Variants in POU2F1 observed in about 807,000 individuals in gnomAD.
POU2F1 encodes the protein POU class 2 homeobox 1.
Under a neutral mutation model 84.9 loss-of-function variants are expected in POU2F1, and 16 were observed. The observed-to-expected ratio is 0.19, with a 90% confidence interval of 0.13 to 0.29. The LOEUF (loss-of-function observed/expected upper bound fraction) is 0.29. Among genes scored for constraint, POU2F1 ranks in the 10% least tolerant of loss-of-function variants. The pLI is 1.00. For missense variants in POU2F1, 738 were observed against 942.6 expected, an observed-to-expected ratio of 0.78 and a Z score of 2.84; for synonymous variants, 368 against 368.3, an observed-to-expected ratio of 1.00 and a Z score of 0.01.
At chr1:167,347,304 G>A (rs953779548) in intron 2 of POU2F1, among the ~76,000 whole-genome samples, 21 of 152,176 alleles carry the variant, frequency 1.4e-4, no homozygotes, top group African/African-American at 4.6e-4. Context: ...ACTGCTGGGT[G>A]ATGAAAAATA....
chr1:167,265,223 AG>A (rs1165479833), intron 1 of POU2F1, among the ~76,000 whole-genome samples: 1 of 152,218 alleles, frequency 6.6e-6, no homozygotes, highest in Admixed American at 6.5e-5. Context: ...AACAGTTTAA[AG>A]GGTCTGAGTC....
chr1:167,252,661 T>C (rs565501622), intron 1 of POU2F1, among the ~76,000 whole-genome samples: 2 of 152,346 alleles, frequency 1.3e-5, no homozygotes, highest in South Asian at 2.1e-4. Flanking sequence ...TATCTGGCTT[T>C]TTACTTTGTT....
chr1:167,291,050 A>AG (rs1362049287), intron 1 of POU2F1, among the ~76,000 whole-genome samples: 1 of 134,014 alleles, frequency 7.5e-6, no homozygotes, highest in African/African-American at 4.0e-5. Context: ...GTCAGAAAAA[A>AG]AAAAAAAAAA....
At position 167,418,347 on chromosome 1, in the gene POU2F1, C is replaced by T. The variant is rs1650437964; in HGVS notation, c.*2537C>T. ...ACAATGTCAATTACTAATTTCTCTC[C>T]TCTCCATTCACTTTTTCTCTGTTGT... On this transcript the variant is annotated 3_prime_UTR_variant, in exon 16 of 16. Transcript: ENST00000367866. The T allele has an allele frequency of 6.6e-6, 1 of 152,110 alleles. No homozygotes were observed. The highest frequency in any genetic ancestry group is 1.5e-5 in the Non-Finnish European group (1 of 68,032). The allele number at this position is 152,110 out of a possible 1,614,324, so 9.4% of individuals were successfully genotyped here.
chr1:167,288,424 T>C (rs1202037436), intron 1 of POU2F1, among the ~76,000 whole-genome samples: 2 of 152,208 alleles, frequency 1.3e-5, no homozygotes, highest in African/African-American at 4.8e-5. Flanking sequence ...CTTTAGGAGC[T>C]GACTTGGAGT....
intron 1 of POU2F1, among the ~76,000 whole-genome samples, chr1:167,299,709 A>ATTTTTTTTT (rs1334052202): frequency 7.1e-5 from 9 of 127,102 alleles, no homozygotes; most frequent in African/African-American, 3.7e-4. Context: ...TTTTTTTTTC[A>ATTTTTTTTT]TTTTATTTTG....
intron 1 of POU2F1, among the ~76,000 whole-genome samples, chr1:167,330,709 A>G (rs1220033334): frequency 6.6e-6 from 1 of 152,124 alleles, no homozygotes; most frequent in Non-Finnish European, 1.5e-5. Flanking sequence ...AGAATCTGAG[A>G]TGATTCACTT....
At position 167,371,939 on chromosome 1, in the gene POU2F1, G is replaced by A. The variant is rs1660025333; in HGVS notation, c.305G>A (p.Gly102Glu). The change falls in exon 5 of 16, where the codon GGG (glycine) becomes GAG (glutamate). Residue 102 changes from glycine to glutamate, a missense_variant. By Grantham distance (98) the Gly-to-Glu change is moderately conservative. Coordinates refer to ENST00000367866, the MANE Select transcript of POU2F1 (RefSeq NM_002697.4). ...CAGTCTAAATCTAATGAAGAATCGG[G>A]GGATTCGCAGCAGCCAAGCCAGCCT... ...NVQSKSNEES[G>E]DSQQPSQPSQ... 1 of 1,614,110 alleles carries A rather than the reference G, an allele frequency of 6.2e-7. No homozygotes were observed.
intron 2 of POU2F1, among the ~76,000 whole-genome samples, chr1:167,363,820 A>G (rs1659495697): frequency 6.6e-6 from 1 of 152,234 alleles, no homozygotes. Flanking sequence ...GCTCTGCTTC[A>G]TGTTCTATAC....
At chr1:167,314,116 T>C (rs901090107) in intron 1 of POU2F1, among the ~76,000 whole-genome samples, 1 of 151,358 alleles carries the variant, frequency 6.6e-6, no homozygotes, top group Non-Finnish European at 1.5e-5. Context: ...GAGAATTGCT[T>C]GAGCCCAGGA....
chr1:167,374,365 G>C (rs754820151), intron 6 of POU2F1, 69 bp downstream of exon 6: 92 of 1,437,656 alleles, frequency 6.4e-5, no homozygotes, highest in Non-Finnish European at 7.8e-5. Flanking sequence ...TTTAATGTTA[G>C]ATTAACTTTT....
intron 1 of POU2F1, among the ~76,000 whole-genome samples, chr1:167,302,108 C>A (rs902046862): frequency 6.6e-6 from 1 of 151,974 alleles, no homozygotes; most frequent in African/African-American, 2.4e-5. Context: ...TGCTCTGTCA[C>A]CCAGGCAGGC....
intron 3 of POU2F1, among the ~76,000 whole-genome samples, chr1:167,369,893 A>C (rs979773772): frequency 2.0e-5 from 3 of 151,102 alleles, no homozygotes; most frequent in Admixed American, 6.6e-5. Context: ...ATTCAATACA[A>C]GTGTGGCATG....
At chr1:167,275,744 G>A (rs939367126) in intron 1 of POU2F1, among the ~76,000 whole-genome samples, 5 of 152,042 alleles carry the variant, frequency 3.3e-5, no homozygotes, top group Non-Finnish European at 7.4e-5. Flanking sequence ...AAAAAGATGG[G>A]GTAAGAATAA....
In POU2F1 at chr1:167,376,635, A is replaced by G. The variant is rs185994847; in HGVS notation, c.718+480A>G. The G allele has an allele frequency of 3.1e-3, 479 of 152,656 alleles. 6 individuals carry two copies. The highest frequency in any genetic ancestry group is 1.7e-3 in the Non-Finnish European group (119 of 68,298). The allele number at this position is 152,656 out of a possible 1,614,324, so 9.5% of individuals were successfully genotyped here. A position where few individuals can be genotyped will look rare whatever the true frequency, so the allele number is the denominator to read the frequency against. On this transcript the variant is annotated intron_variant, in intron 7 of 15. Transcript: ENST00000367866. Reference sequence around the variant, plus strand: ...GAGTCATTTGAGTGGTAAATGTTATATAATTAATATATCAAACAACCACTC... The same window carrying G: ...GAGTCATTTGAGTGGTAAATGTTATGTAATTAATATATCAAACAACCACTC...
intron 1 of POU2F1, chr1:167,328,969 T>G (rs1251076452): frequency 1.1e-6 from 1 of 949,392 alleles, no homozygotes; most frequent in Non-Finnish European, 1.3e-6. Context: ...TTGTTTCTAT[T>G]TTATTACAAA....
intron 1 of POU2F1, among the ~76,000 whole-genome samples, chr1:167,287,659 GA>G (rs1190432066): frequency 4.6e-5 from 7 of 152,134 alleles, no homozygotes. Context: ...CAAAGTTATG[GA>G]AAATAGAATG....
intron 1 of POU2F1, among the ~76,000 whole-genome samples, chr1:167,243,856 A>G (rs1386278647): frequency 6.6e-6 from 1 of 152,210 alleles, no homozygotes; most frequent in South Asian, 2.1e-4. Context: ...CATGACCACT[A>G]TCACAAACAT....
intron 1 of POU2F1, among the ~76,000 whole-genome samples, chr1:167,321,642 T>C (rs974980800): frequency 1.3e-5 from 2 of 152,228 alleles, no homozygotes; most frequent in African/African-American, 4.8e-5. Context: ...TAGCAGCCAT[T>C]GTTCTATCCA....
Sources: gnomAD v4.1 joint callset for allele counts (sites outside exome capture counted in the v4.1 genomes callset) on GRCh38, gnomAD v4.1.1 for gene constraint, MANE v1.5 for transcripts, NCBI Gene and HGNC (gene_info 2026-07-23, HGNC 2026-07-21) for gene names.